Variants in VPS13D observed in about 807,000 individuals in gnomAD.
The protein encoded by VPS13D is intermembrane lipid transfer protein VPS13D.
VPS13D carries 187 observed loss-of-function variants against 461.9 expected under a neutral mutation model. The ratio of observed to expected loss-of-function variants is 0.40; its 90% CI spans 0.36 to 0.46. The LOEUF (loss-of-function observed/expected upper bound fraction) is 0.46, where lower values mean the gene tolerates loss of function less well. Among genes scored for constraint, VPS13D ranks in the 20% least tolerant of loss-of-function variants. The probability of loss-of-function intolerance (pLI) is 0.60; values close to 1 mark genes in which losing one functional copy is unlikely to be tolerated. For missense variants in VPS13D, 4,711 were observed against 5,364.9 expected, an observed-to-expected ratio of 0.88 and a Z score of 3.81; for synonymous variants, 1,951 against 1,986.3, an observed-to-expected ratio of 0.98 and a Z score of 0.47.
At chr1:12,291,210 CTT>C (rs1319754230) in intron 23 of VPS13D, 86 bp downstream of exon 23, 3 of 1,482,724 alleles carry the variant, frequency 2.0e-6, no homozygotes, top group African/African-American at 1.4e-5. Context: ...ATAAAGAAAA[CTT>C]TTAAAAATTT....
intron 65 of VPS13D, among the ~76,000 whole-genome samples, chr1:12,433,811 A>C (rs1557436331): frequency 6.6e-6 from 1 of 152,108 alleles, no homozygotes; most frequent in Non-Finnish European, 1.5e-5. Context: ...CTTAGACCCC[A>C]CTGCCTGGCC....
chr1:12,367,667 G>A (rs774493975), intron 52 of VPS13D: 2 of 151,952 alleles, frequency 1.3e-5, no homozygotes, highest in East Asian at 1.9e-4. Flanking sequence ...GCAGTGGCGC[G>A]ATCTCGGAGC....
At chr1:12,361,399 A>ATTTTTTTT (rs1406588951) in intron 50 of VPS13D, among the ~76,000 whole-genome samples, 11 of 140,632 alleles carry the variant, frequency 7.8e-5, no homozygotes, top group African/African-American at 1.9e-4. Flanking sequence ...TTATTTATTT[A>ATTTTTTTT]TTTATTTTTT....
At chr1:12,395,641 G>A (rs1386030603) in intron 60 of VPS13D, among the ~76,000 whole-genome samples, 1 of 152,050 alleles carries the variant, frequency 6.6e-6, no homozygotes, top group Non-Finnish European at 1.5e-5. Flanking sequence ...ACTGAACTTA[G>A]GAGCAACCAA....
At chr1:12,375,946 G>A (rs560009019) in intron 55 of VPS13D, among the ~76,000 whole-genome samples, 1 of 152,188 alleles carries the variant, frequency 6.6e-6, no homozygotes, top group African/African-American at 2.4e-5. Flanking sequence ...AGGGAGGAAG[G>A]GAACTGGAAG....
At chr1:12,443,736 C>T (rs891499805) in intron 65 of VPS13D, among the ~76,000 whole-genome samples, 5 of 151,920 alleles carry the variant, frequency 3.3e-5, no homozygotes, top group South Asian at 2.1e-4. Context: ...ATCCCGTCTG[C>T]GTCTTTTATT....
intron 63 of VPS13D, among the ~76,000 whole-genome samples, chr1:12,412,758 G>A (rs1388374694): frequency 6.6e-6 from 1 of 152,092 alleles, no homozygotes. Context: ...TCTTAACCAG[G>A]ACACAGAAAG....
Position 12,302,832 on chromosome 1 carries a change from C to CT in VPS13D, c.6217-1655dup, listed in dbSNP as rs60602915. Among the ~76,000 whole-genome samples the CT allele has an allele frequency of 6.6e-3, 804 of 121,102 alleles. 6 individuals are homozygous for CT. The highest frequency in any genetic ancestry group is 0.017 in the African/African-American group (542 of 32,716). The allele number at this position is 121,102 out of a possible 152,430, so 79.4% of individuals were successfully genotyped here. On this transcript the variant is annotated intron_variant, in intron 25 of 69. Coordinates refer to ENST00000620676, the MANE Select transcript of VPS13D (RefSeq NM_015378.4). Reference sequence around the variant, plus strand: ...TCTTAAGGCCCATTGAAAAGAATTCCTTTTTTTTTTTTTTTTTTTAGCCTT... The same window carrying CT: ...TCTTAAGGCCCATTGAAAAGAATTCCTTTTTTTTTTTTTTTTTTTTAGCCTT...
chr1:12,352,201 G>T (rs889853305), intron 46 of VPS13D, among the ~76,000 whole-genome samples: 2 of 152,002 alleles, frequency 1.3e-5, no homozygotes, highest in African/African-American at 4.8e-5. Context: ...TAAGGCAGGA[G>T]AATCGCTTGA....
chr1:12,382,069 CTT>C (rs907512762), intron 57 of VPS13D, among the ~76,000 whole-genome samples: 2 of 148,412 alleles, frequency 1.3e-5, no homozygotes, highest in Non-Finnish European at 3.0e-5. Flanking sequence ...TCTTCTCTCT[CTT>C]TCTTTCTTTT....
Position 12,401,703 on chromosome 1 carries a change from A to G in VPS13D, c.11880A>G (p.Ser3960=), listed in dbSNP as rs142981885. ...TCTTTGGCTACGATCAAGCAGAATC[A>G]GGTAATGTTGAATGTTCTATGTCTG... ...LSFFGYDQAE[S]EVEKYDENLH... Residue 3960 remains serine (S), a splice_region_variant and synonymous_variant, in exon 62 of 70, where the codon TCA becomes TCG. Coordinates refer to ENST00000620676, the MANE Select transcript of VPS13D (RefSeq NM_015378.4). The G allele has an allele frequency of 6.2e-7, 1 of 1,612,212 alleles. No homozygotes were observed. Among genetic ancestry groups the G allele is most frequent in the Non-Finnish European group, 8.5e-7 (1 of 1,178,420 alleles).
In VPS13D at chr1:12,378,289, A is replaced by G. The variant is rs909505061; in HGVS notation, c.10918-139A>G. 11 of 685,414 alleles carry G rather than the reference A, an allele frequency of 1.6e-5. No individual in the cohort carries two copies. In the East Asian group the frequency reaches 2.9e-4, roughly 18 times the overall value. The allele number at this position is 685,414 out of a possible 1,614,324, so 42.5% of individuals were successfully genotyped here. On this transcript the variant is annotated intron_variant, in intron 55 of 69. Transcript: ENST00000620676. The stretch of plus-strand genomic sequence containing the variant: ...ATAACCATGAAAGTTTGAATTAAGC[A>G]TTTATATAATGTGGAAAACGTCTAA...
intron 67 of VPS13D, among the ~76,000 whole-genome samples, chr1:12,486,678 G>A (rs1005718935): frequency 4.6e-5 from 7 of 152,178 alleles, no homozygotes; most frequent in Non-Finnish European, 8.8e-5. Context: ...GTACTCCAGG[G>A]GTTCTTGAGT....
chr1:12,383,226 A>G (rs1644306165), intron 58 of VPS13D, 71 bp downstream of exon 58: 1 of 1,445,144 alleles, frequency 6.9e-7, no homozygotes, highest in Non-Finnish European at 9.4e-7. Flanking sequence ...CTCATTTAAC[A>G]AATACTTATT....
chr1:12,437,720 A>G (rs900858254), intron 65 of VPS13D, among the ~76,000 whole-genome samples: 2 of 152,162 alleles, frequency 1.3e-5, no homozygotes, highest in African/African-American at 2.4e-5. Context: ...TTTTCCATGT[A>G]TAGACTAAAA....
Position 12,293,568 on chromosome 1 carries a change from G to A in VPS13D, c.5897G>A (p.Arg1966His), listed in dbSNP as rs180883554. ...DPLLRREHDI[R>H]VSLRMASVQY... The stretch of plus-strand genomic sequence containing the variant: ...CTGCTCCGGAGAGAACACGACATTC[G>A]CGTGAGCCTCCGGATGGCCTCTGTG... Residue 1966 changes from arginine (R) to histidine (H), a missense_variant, in exon 24 of 70, where the codon CGC becomes CAC. Coordinates refer to ENST00000620676, the MANE Select transcript of VPS13D (RefSeq NM_015378.4). 7.4e-6 allele frequency: 12 copies of A among 1,613,878 alleles called. No individual in the cohort carries two copies. The highest frequency in any genetic ancestry group is 4.5e-5 in the East Asian group (2 of 44,872).
At chr1:12,285,294 T>TA (rs1460968472) in intron 21 of VPS13D, among the ~76,000 whole-genome samples, 1 of 147,760 alleles carries the variant, frequency 6.8e-6, no homozygotes, top group Admixed American at 6.7e-5. Context: ...ATTTATTTAT[T>TA]TATTTTTTTT....
chr1:12,355,111 C>G lies in VPS13D; in HGVS notation c.9680-788C>G, dbSNP rs569711154. ...GGTTGGTGTTTGCCTTATTTGAACA[C>G]AGTTGGAATACTCAGCAGTGTATGA... On this transcript the variant is annotated intron_variant, in intron 47 of 69. Coordinates refer to ENST00000620676, the MANE Select transcript of VPS13D (RefSeq NM_015378.4). 2.0e-3 allele frequency among the ~76,000 whole-genome samples: 300 copies of G among 152,330 alleles called. 1 individual carries two copies. The highest frequency in any genetic ancestry group is 6.7e-3 in the African/African-American group (279 of 41,564).
intron 35 of VPS13D, 74 bp from the exon 36 acceptor site, chr1:12,327,574 C>T (rs1643223938): frequency 7.5e-7 from 1 of 1,341,730 alleles, no homozygotes; most frequent in African/African-American, 1.5e-5. Flanking sequence ...AATTTTATTT[C>T]TCTGTTTCCT....
Sources: gnomAD v4.1 joint callset for allele counts (sites outside exome capture counted in the v4.1 genomes callset) on GRCh38, gnomAD v4.1.1 for gene constraint, MANE v1.5 for transcripts, NCBI Gene and HGNC (gene_info 2026-07-23, HGNC 2026-07-21) for gene names.